Variants in RPGR observed in about 807,000 individuals in gnomAD.
RPGR encodes X-linked retinitis pigmentosa GTPase regulator.
In RPGR, 10 loss-of-function variants were observed where a neutral mutation model predicts 56.3. The observed-to-expected ratio is 0.18, with a 90% CI of 0.11 to 0.30. RPGR has a LOEUF of 0.30. Among genes scored for constraint, RPGR ranks in the 10% least tolerant of loss-of-function variants. RPGR has a pLI of 1.00. For missense variants in RPGR, 538 were observed against 590.9 expected, an observed-to-expected ratio of 0.91 and a Z score of 0.93; for synonymous variants, 197 against 212.9, an observed-to-expected ratio of 0.93 and a Z score of 0.65.
chrX:38,308,322 C>A (rs764956697), intron 7 of RPGR: 10 of 112,139 alleles, frequency 8.9e-5, no homozygotes, highest in African/African-American at 3.2e-4. Flanking sequence ...TTTCTGGAAA[C>A]ATTATACTTA....
Position 38,269,594 on chromosome X carries a change from C to A in RPGR, c.*32G>T, listed in dbSNP as rs745380815. On this transcript the variant is annotated 3_prime_UTR_variant, in exon 19 of 19. Coordinates refer to ENST00000642395, the MANE Select transcript of RPGR (RefSeq NM_000328.3). ...CATTTTTCAAGTATACATTACAATA[C>A]ACTTGGTGACTGTGAAAACATAAAT... 1 of 1,033,614 alleles carries A rather than the reference C, an allele frequency of 9.7e-7. No homozygotes were observed. The allele number at this position is 1,033,614 out of a possible 1,213,427, so 85.2% of individuals were successfully genotyped here. A position where few individuals can be genotyped will look rare whatever the true frequency, so the allele number is the denominator to read the frequency against.
At chrX:38,309,282 C>G (rs776052808) in intron 7 of RPGR, among the ~76,000 whole-genome samples, 14 of 111,373 alleles carry the variant, frequency 1.3e-4, no homozygotes, top group Admixed American at 1.9e-4. Flanking sequence ...AATTTAAAAC[C>G]ATACCACTTT....
chrX:38,272,046 G>A (rs143156178), intron 18 of RPGR, among the ~76,000 whole-genome samples: 1,998 of 111,818 alleles, frequency 0.018, 45 homozygotes, highest in African/African-American at 0.061. Flanking sequence ...AAATAGCCAA[G>A]TAGTCTCAGC....
At chrX:38,311,066 C>T (rs1352426408) in intron 6 of RPGR, among the ~76,000 whole-genome samples, 1 of 112,207 alleles carries the variant, frequency 8.9e-6, no homozygotes, top group Non-Finnish European at 1.9e-5. Flanking sequence ...CTTAAAGCTC[C>T]CATAAAAACA....
chrX:38,279,504 C>T (rs986040447), intron 15 of RPGR, among the ~76,000 whole-genome samples: 4 of 98,352 alleles, frequency 4.1e-5, no homozygotes, highest in African/African-American at 1.5e-4. Flanking sequence ...CTTAAGAACA[C>T]AATTACATCG....
In RPGR at chrX:38,317,310, T is replaced by C. The variant is rs760782164; in HGVS notation, c.619+6A>G. On this transcript the variant is annotated splice_donor_region_variant and intron_variant, in intron 6 of 18. Coordinates refer to ENST00000642395, the MANE Select transcript of RPGR (RefSeq NM_000328.3). ...GATAACATGATGACTTCAAAATGTG[T>C]CTTACTTGTTACAAAAGCTGAATGG... The C allele has an allele frequency of 3.6e-5, 44 of 1,205,649 alleles. No homozygotes were observed. In the Admixed American group the frequency reaches 9.0e-4, roughly 25 times the overall value.
Position 38,327,255 on chromosome X carries a change from C to G in RPGR, c.28+85G>C, listed in dbSNP as rs974059687. 1.1e-5 allele frequency: 11 copies of G among 997,358 alleles called. No individual in the cohort carries two copies. The East Asian group carries it at 1.7e-4, about 16-fold the overall frequency. The allele number at this position is 997,358 out of a possible 1,213,427, so 82.2% of individuals were successfully genotyped here. On this transcript the variant is annotated intron_variant, in intron 1 of 18. Transcript: ENST00000642395. ...GGCTGCCAAGCCTGGGGCCTGTCCC[C>G]CTACAGGGCCGATCCGGAGGCGGGG... is the stretch of plus-strand genomic sequence containing the variant.
At chrX:38,287,420 G>A (rs1417699243) in intron 14 of RPGR, 175 bp from the exon 15 acceptor site, 1 of 753,552 alleles carries the variant, frequency 1.3e-6, no homozygotes, top group Non-Finnish European at 2.0e-6. Flanking sequence ...TCAGGCTGCT[G>A]GAATCCATCA....
Position 38,310,791 on chromosome X carries a change from T to C in RPGR, c.620-18A>G, listed in dbSNP as rs1601961416. 1.7e-6 allele frequency: 2 copies of C among 1,201,535 alleles called. No homozygotes were observed. The highest frequency in any genetic ancestry group is 3.0e-5 in the East Asian group (1 of 33,781). On this transcript the variant is annotated intron_variant, in intron 6 of 18. Coordinates refer to ENST00000642395, the MANE Select transcript of RPGR (RefSeq NM_000328.3). ...ACCATCTGCTATTGAAGGAAAAGTA[T>C]AGTGATTAGTGATGACATACATATG...
At chrX:38,296,971 A>G (rs7062285) in intron 11 of RPGR, among the ~76,000 whole-genome samples, 10,547 of 111,627 alleles carry the variant, frequency 0.094, 505 homozygotes, top group African/African-American at 0.16. Flanking sequence ...TCTAAAATGA[A>G]GACTATAACT....
intron 6 of RPGR, among the ~76,000 whole-genome samples, chrX:38,313,258 C>A (rs148809763): frequency 1.0e-3 from 116 of 111,417 alleles, no homozygotes; most frequent in Non-Finnish European, 1.6e-3. Context: ...CTTGTTCTCA[C>A]GTAAGACTCT....
At chrX:38,296,310 G>A (rs943721173) in intron 11 of RPGR, among the ~76,000 whole-genome samples, 4 of 109,494 alleles carry the variant, frequency 3.7e-5, no homozygotes, top group Admixed American at 1.9e-4. Flanking sequence ...GCGAGAATCC[G>A]TCTCAAAAAA....
rs755501450 is a variant in RPGR, at chrX:38,276,730, C to T, written c.1948G>A (p.Val650Met). The change falls in exon 16 of 19, where the codon GTG (valine) becomes ATG (methionine). Residue 650 changes from valine to methionine, a missense_variant. Val to Met is a conservative substitution (Grantham distance 21). Transcript: ENST00000642395. ...TTTTCAGCATTAATTTCCTCATCCA[C>T]ATCTTCTAGTTTTAGTTCCTCAGTT... The T allele has an allele frequency of 8.3e-7, 1 of 1,208,817 alleles. No homozygotes were observed.
chrX:38,278,488 G>A (rs189142763), intron 15 of RPGR, among the ~76,000 whole-genome samples: 19 of 112,236 alleles, frequency 1.7e-4, no homozygotes, highest in Admixed American at 1.6e-3. Context: ...TGATCCTCCC[G>A]CCTTGGCCTC....
At chrX:38,291,046 TATTATAAAAAGAATAC>T in intron 12 of RPGR, 22 bp from the exon 13 acceptor site, 1 of 713,684 alleles carries the variant, frequency 1.4e-6, no homozygotes, top group Non-Finnish European at 1.9e-6. Context: ...AAAAAATATA[TATTATAAAAAGAATAC>T]AGTATATATA....
chrX:38,273,338 A>C (rs758468092), intron 18 of RPGR: 1 of 1,018,965 alleles, frequency 9.8e-7, no homozygotes, highest in Admixed American at 2.5e-5. Context: ...AAAGTAAAAC[A>C]AACAATTGAA....
chrX:38,302,290 G>T (rs755394961), intron 8 of RPGR, among the ~76,000 whole-genome samples: 1 of 111,540 alleles, frequency 9.0e-6, no homozygotes, highest in Non-Finnish European at 1.9e-5. Flanking sequence ...TCTAGTCTGG[G>T]GATTAGGGAA....
intron 1 of RPGR, among the ~76,000 whole-genome samples, chrX:38,324,118 C>T (rs1281083954): frequency 1.8e-5 from 2 of 111,901 alleles, no homozygotes; most frequent in Non-Finnish European, 3.8e-5. Flanking sequence ...GGGTCTCACT[C>T]TGTCACCCAG....
intron 1 of RPGR, among the ~76,000 whole-genome samples, chrX:38,324,754 G>C (rs558781569): frequency 1.2e-4 from 12 of 103,113 alleles, no homozygotes; most frequent in South Asian, 9.6e-4. Flanking sequence ...GTGCTACCTA[G>C]CAATCTCTCT....
Sources: gnomAD v4.1 joint callset for allele counts (sites outside exome capture counted in the v4.1 genomes callset) on GRCh38, gnomAD v4.1.1 for gene constraint, MANE v1.5 for transcripts, NCBI Gene and HGNC (gene_info 2026-07-23, HGNC 2026-07-21) for gene names.